The following RBFOX1 variants were observed in gnomAD, a reference collection of about 807,000 sequenced individuals.
The protein encoded by RBFOX1 is RNA binding protein fox-1 homolog 1.
In RBFOX1, 8 loss-of-function variants were observed where a neutral mutation model predicts 57.7. That is an observed-to-expected ratio of 0.14 (90% confidence interval 0.08 to 0.25). The LOEUF (loss-of-function observed/expected upper bound fraction) is 0.25, where lower values mean the gene tolerates loss of function less well. Ranked by LOEUF, RBFOX1 falls within the 10% of genes least tolerant of loss-of-function variation. The pLI is 1.00. For synonymous variants in RBFOX1, 326 were observed against 222.4 expected (o/e 1.47, Z -4.15); for missense variants, 611 against 548.5 (o/e 1.11, Z -1.14).
At chr16:7,353,648 A>G (rs1019387437) in intron 4 of RBFOX1, among the ~76,000 whole-genome samples, 8 of 152,254 alleles carry the variant, frequency 5.3e-5, no homozygotes, top group African/African-American at 1.9e-4. Context: ...GATGTCTTAC[A>G]TGCTGTAGTG....
At chr16:5,616,932 C>G (rs1168077424) in intron 3 of RBFOX1, among the ~76,000 whole-genome samples, 1 of 150,328 alleles carries the variant, frequency 6.7e-6, no homozygotes, top group Non-Finnish European at 1.5e-5. Context: ...GCTCAGCCAG[C>G]TTTCTTTTAA....
chr16:5,956,905 G>C (rs1351536026), intron 4 of RBFOX1, among the ~76,000 whole-genome samples: 1 of 150,990 alleles, frequency 6.6e-6, no homozygotes, highest in Non-Finnish European at 1.5e-5. Context: ...CTGGTCTCCA[G>C]CAATCCATCT....
At chr16:7,652,748 G>A (rs767862776) in intron 11 of RBFOX1, among the ~76,000 whole-genome samples, 13 of 152,148 alleles carry the variant, frequency 8.5e-5, no homozygotes, top group South Asian at 2.1e-4. Context: ...GACTTATCGC[G>A]TATTTGTAAT....
At chr16:7,157,364 A>G (rs115875410) in intron 4 of RBFOX1, among the ~76,000 whole-genome samples, 3 of 152,294 alleles carry the variant, frequency 2.0e-5, no homozygotes, top group Admixed American at 6.5e-5. Flanking sequence ...CAATTTGGCA[A>G]TAAATGTATG....
chr16:7,334,220 C>G (rs186767964), intron 4 of RBFOX1, among the ~76,000 whole-genome samples: 25 of 152,200 alleles, frequency 1.6e-4, no homozygotes, highest in Admixed American at 7.2e-4. Flanking sequence ...AAAACATTCT[C>G]TCTTTCTGGA....
intron 2 of RBFOX1, among the ~76,000 whole-genome samples, chr16:6,461,385 T>C (rs2094916270): frequency 6.6e-6 from 1 of 152,204 alleles, no homozygotes; most frequent in African/African-American, 2.4e-5. Context: ...ATTCTGAGGT[T>C]TGAGGGATTA....
intron 3 of RBFOX1, among the ~76,000 whole-genome samples, chr16:7,029,380 C>T (rs1034607466): frequency 6.6e-5 from 10 of 150,568 alleles, no homozygotes; most frequent in African/African-American, 1.2e-4. Context: ...AAAGCTGATG[C>T]GTCACACAGA....
chr16:6,358,802 A>G (rs942531878), intron 2 of RBFOX1, among the ~76,000 whole-genome samples: 1 of 152,198 alleles, frequency 6.6e-6, no homozygotes, highest in Non-Finnish European at 1.5e-5. Context: ...TTGTGAATTT[A>G]GAGAAGAGTG....
intron 4 of RBFOX1, among the ~76,000 whole-genome samples, chr16:5,972,968 C>A (rs151243460): frequency 1.3e-5 from 2 of 152,110 alleles, no homozygotes; most frequent in East Asian, 1.9e-4. Flanking sequence ...TGTTGAGTCC[C>A]GTATAGCTAC....
intron 3 of RBFOX1, among the ~76,000 whole-genome samples, chr16:6,911,497 C>T (rs8059089): frequency 0.72 from 109,974 of 151,818 alleles, 40,020 homozygotes; most frequent in East Asian, 0.81. Context: ...GTGTTCTCCC[C>T]ATAAGCATGT....
rs1381598899 is a variant in RBFOX1 at position 6,895,433 on chromosome 16, T to G, written c.-15-156624T>G. On this transcript the variant is annotated intron_variant, in intron 3 of 15. Coordinates refer to ENST00000550418, the MANE Select transcript of RBFOX1 (RefSeq NM_018723.4). ...TTAGTAATATATGTGTGTGTGTGTG[T>G]GTGTGTGTGTGTGTGTATATATATA... Among the ~76,000 whole-genome samples, 89 of 76,802 alleles carry G rather than the reference T, an allele frequency of 1.2e-3. 1 individual carries two copies. The highest frequency in any genetic ancestry group is 3.9e-3 in the Admixed American group (25 of 6,412). The allele number at this position is 76,802 out of a possible 152,430, so 50.4% of individuals were successfully genotyped here.
intron 2 of RBFOX1, among the ~76,000 whole-genome samples, chr16:6,496,354 T>A (rs1205760860): frequency 1.3e-5 from 2 of 152,238 alleles, no homozygotes; most frequent in African/African-American, 4.8e-5. Context: ...CCTTTTCATT[T>A]GAACAAGTGG....
intron 1 of RBFOX1, among the ~76,000 whole-genome samples, chr16:6,261,842 C>CA (rs2097703281): frequency 6.8e-6 from 1 of 147,384 alleles, no homozygotes; most frequent in Non-Finnish European, 1.5e-5. Context: ...CTAAAAATAC[C>CA]AAAAAACAAA....
chr16:6,798,505 C>T (rs549812652), intron 3 of RBFOX1, among the ~76,000 whole-genome samples: 10 of 152,164 alleles, frequency 6.6e-5, no homozygotes, highest in African/African-American at 2.4e-4. Flanking sequence ...CTGAACCAGA[C>T]CCCTGATGCT....
chr16:5,290,371 T>C (rs2063504107), intron 1 of RBFOX1, among the ~76,000 whole-genome samples: 1 of 152,040 alleles, frequency 6.6e-6, no homozygotes, highest in African/African-American at 2.4e-5. Flanking sequence ...AAGTAGATTG[T>C]CAGGGCTTAG....
At chr16:5,320,387 G>C (rs980588054) in intron 1 of RBFOX1, among the ~76,000 whole-genome samples, 5 of 152,352 alleles carry the variant, frequency 3.3e-5, no homozygotes, top group Non-Finnish European at 5.9e-5. Flanking sequence ...GAGCAGGAGA[G>C]ATTGTGATGA....
intron 4 of RBFOX1, among the ~76,000 whole-genome samples, chr16:7,438,585 C>A (rs995017544): frequency 6.6e-6 from 1 of 152,152 alleles, no homozygotes; most frequent in Admixed American, 6.5e-5. Flanking sequence ...CTCTGAATCC[C>A]AAACTTGTGT....
At chr16:7,080,448 G>T (rs2059015708) in intron 4 of RBFOX1, among the ~76,000 whole-genome samples, 1 of 152,146 alleles carries the variant, frequency 6.6e-6, no homozygotes, top group Admixed American at 6.5e-5. Flanking sequence ...ATGACTGTTT[G>T]TACTGAATAC....
At chr16:6,912,868 C>A (rs560021944) in intron 3 of RBFOX1, among the ~76,000 whole-genome samples, 71 of 152,270 alleles carry the variant, frequency 4.7e-4, no homozygotes, top group African/African-American at 1.6e-3. Context: ...GATCCTCTTG[C>A]CTTGACCTCC....
Sources: allele counts gnomAD v4.1 joint callset (sites outside exome capture counted in the v4.1 genomes callset), GRCh38; gene constraint gnomAD v4.1.1; transcripts MANE v1.5; gene names NCBI Gene and HGNC (gene_info 2026-07-23, HGNC 2026-07-21).